Variants in ABCB5 observed in about 807,000 individuals in gnomAD.
The protein encoded by ABCB5 is ATP binding cassette subfamily B member 5, also known as ATP-binding cassette sub-family B member 5.
In ABCB5, 155 loss-of-function variants were observed where a neutral mutation model predicts 144.2. That is an observed-to-expected ratio of 1.08 (90% CI 0.94 to 1.23). The LOEUF (loss-of-function observed/expected upper bound fraction) is 1.23, where lower values mean the gene tolerates loss of function less well. Ranked by LOEUF, ABCB5 falls within the 50% of genes most tolerant of loss-of-function variation. The pLI is 0.00. For missense variants in ABCB5, 1,830 were observed against 1,520.8 expected, an observed-to-expected ratio of 1.20 and a Z score of -3.38; for synonymous variants, 610 against 528.6, an observed-to-expected ratio of 1.15 and a Z score of -2.11.
At chr7:20,621,499 C>T (rs79207698) in intron 1 of ABCB5, among the ~76,000 whole-genome samples, 8 of 151,970 alleles carry the variant, frequency 5.3e-5, no homozygotes, top group South Asian at 2.1e-4. Flanking sequence ...AGTAAGACTA[C>T]GGTCTAGAGT....
intron 20 of ABCB5, among the ~76,000 whole-genome samples, chr7:20,706,420 A>T (rs1278536841): frequency 6.6e-6 from 1 of 152,230 alleles, no homozygotes; most frequent in Non-Finnish European, 1.5e-5. Flanking sequence ...TTCAACTGAA[A>T]AACCAAATTA....
intron 20 of ABCB5, 31 bp from the exon 21 acceptor site, chr7:20,722,985 G>GT (rs1562579523): frequency 1.2e-6 from 2 of 1,603,014 alleles, no homozygotes; most frequent in Middle Eastern, 1.7e-4. Flanking sequence ...AGTTAATTGA[G>GT]TTTTTTCCCC....
chr7:20,700,103 A>G lies in ABCB5; in HGVS notation c.2305A>G (p.Arg769Gly). ...AGGGGAAATTTTAACGATGAGATTAAGACACTTGGCCTTCAAAGCCATGTT... is the reference window on the plus strand; with the variant it reads ...AGGGGAAATTTTAACGATGAGATTAGGACACTTGGCCTTCAAAGCCATGTT... ...RAGEILTMRL[R>G]HLAFKAMLYQ... Residue 769 changes from arginine (R) to glycine (G), a missense_variant, in exon 19 of 28, where the codon AGA becomes GGA. Physicochemically the swap from Arg to Gly is moderately radical, Grantham distance 125. Coordinates refer to ENST00000404938, the MANE Select transcript of ABCB5 (RefSeq NM_001163941.2). 6.2e-7 allele frequency: 1 copy of G among 1,613,464 alleles called. No individual in the cohort carries two copies. Among genetic ancestry groups the G allele is most frequent in the African/African-American group, 1.3e-5 (1 of 75,054 alleles).
chr7:20,687,627 C>T (rs1025237266), intron 16 of ABCB5, among the ~76,000 whole-genome samples: 4 of 152,120 alleles, frequency 2.6e-5, no homozygotes, highest in African/African-American at 9.7e-5. Context: ...AACCAAGAAC[C>T]GAAATAAGCT....
chr7:20,623,951 G>A (rs755748522), intron 2 of ABCB5, among the ~76,000 whole-genome samples: 5 of 152,152 alleles, frequency 3.3e-5, no homozygotes, highest in Admixed American at 6.5e-5. Flanking sequence ...GCATTCCAGC[G>A]ATACCATTTT....
In ABCB5 at chr7:20,631,821, G is replaced by C. The variant is rs564090721; in HGVS notation, c.260-238G>C. ...CCCAAATAATTCTTTCCAGTTATGA[G>C]CTACATGGTTAATGCTTCCTTACAT... is the stretch of plus-strand genomic sequence containing the variant. On this transcript the variant is annotated intron_variant, in intron 4 of 27. Transcript: ENST00000404938. 3.9e-5 allele frequency among the ~76,000 whole-genome samples: 6 copies of C among 152,248 alleles called. No individual in the cohort carries two copies. The South Asian group carries it at 1.2e-3, about 32-fold the overall frequency.
chr7:20,661,889 T>C (rs1785016113), intron 14 of ABCB5, among the ~76,000 whole-genome samples: 1 of 152,174 alleles, frequency 6.6e-6, no homozygotes, highest in Non-Finnish European at 1.5e-5. Flanking sequence ...AAACTAGTTT[T>C]GTTTCACTAA....
intron 1 of ABCB5, among the ~76,000 whole-genome samples, chr7:20,616,930 C>T (rs762431056): frequency 7.9e-5 from 12 of 152,176 alleles, no homozygotes; most frequent in Non-Finnish European, 1.2e-4. Flanking sequence ...ATTCCTTCTG[C>T]CTGGGATAGT....
Position 20,723,233 on chromosome 7 carries a change from T to A in ABCB5, c.2625+14T>A, listed in dbSNP as rs764332144. 3.7e-6 allele frequency: 6 copies of A among 1,612,282 alleles called. No homozygotes were observed. The East Asian group carries it at 1.3e-4, about 36-fold the overall frequency. On this transcript the variant is annotated intron_variant, in intron 21 of 27. Coordinates refer to ENST00000404938, the MANE Select transcript of ABCB5 (RefSeq NM_001163941.2). Reference sequence around the variant, plus strand: ...CATGCTGGAAAGGTAAAATGAAGACTGTTATCACCATCGTAACATTTAAAG... The same window carrying A: ...CATGCTGGAAAGGTAAAATGAAGACAGTTATCACCATCGTAACATTTAAAG...
intron 16 of ABCB5, among the ~76,000 whole-genome samples, chr7:20,689,860 C>G (rs1349247362): frequency 6.6e-6 from 1 of 152,224 alleles, no homozygotes; most frequent in Admixed American, 6.5e-5. Context: ...AAGTCAATAA[C>G]CAGGACAGGG....
At chr7:20,693,722 T>G (rs1786310648) in intron 16 of ABCB5, among the ~76,000 whole-genome samples, 1 of 151,408 alleles carries the variant, frequency 6.6e-6, no homozygotes, top group Non-Finnish European at 1.5e-5. Context: ...ATCAATCAAA[T>G]ACAAAGCTGG....
intron 19 of ABCB5, among the ~76,000 whole-genome samples, chr7:20,703,178 C>A (rs906223312): frequency 6.6e-6 from 1 of 152,110 alleles, no homozygotes; most frequent in Non-Finnish European, 1.5e-5. Context: ...ATGATCTGTG[C>A]ATTCCATGTC....
intron 14 of ABCB5, among the ~76,000 whole-genome samples, chr7:20,665,886 TG>T (rs1785174705): frequency 2.0e-5 from 3 of 147,606 alleles, no homozygotes; most frequent in African/African-American, 7.5e-5. Flanking sequence ...AAAAAAATGT[TG>T]GGCCGGGCCT....
At chr7:20,676,672 T>A (rs760127020) in intron 14 of ABCB5, among the ~76,000 whole-genome samples, 23 of 152,214 alleles carry the variant, frequency 1.5e-4, no homozygotes, top group Non-Finnish European at 2.5e-4. Flanking sequence ...ACATTAACAC[T>A]ACAACATTGT....
Position 20,709,291 on chromosome 7 carries a change from T to C in ABCB5, c.2421+4484T>C, listed in dbSNP as rs1437114087. On this transcript the variant is annotated intron_variant, in intron 20 of 27. Coordinates refer to ENST00000404938, the MANE Select transcript of ABCB5 (RefSeq NM_001163941.2). Reference sequence around the variant, plus strand: ...AATTTACTTTGGTTTCATTCTCATTTTCATATTTTAGTTTTGCGAAGAAAT... The same window carrying C: ...AATTTACTTTGGTTTCATTCTCATTCTCATATTTTAGTTTTGCGAAGAAAT... Among the ~76,000 whole-genome samples, 2 of 150,020 alleles carry C rather than the reference T, an allele frequency of 1.3e-5. 1 individual carries two copies. Among genetic ancestry groups the C allele is most frequent in the African/African-American group, 4.9e-5 (2 of 40,576 alleles).
intron 23 of ABCB5, among the ~76,000 whole-genome samples, chr7:20,729,695 A>C (rs114945282): frequency 0.015 from 2,340 of 152,348 alleles, 71 homozygotes; most frequent in African/African-American, 0.053. Context: ...GAACTGGAGA[A>C]ATCCATACAA....
chr7:20,629,128 A>AAG (rs145593793), intron 4 of ABCB5, among the ~76,000 whole-genome samples: 16,520 of 127,112 alleles, frequency 0.13, 1,197 homozygotes, highest in Non-Finnish European at 0.18. Flanking sequence ...GTTAGAAACA[A>AAG]AGAGAGAGAG....
At chr7:20,650,733 G>T (rs1404977271) in intron 12 of ABCB5, among the ~76,000 whole-genome samples, 1 of 152,030 alleles carries the variant, frequency 6.6e-6, no homozygotes, top group Admixed American at 6.5e-5. Flanking sequence ...CTAGAGCCTG[G>T]CTTTATTTAA....
chr7:20,694,596 C>T (rs921068612), intron 16 of ABCB5, among the ~76,000 whole-genome samples: 1 of 151,866 alleles, frequency 6.6e-6, no homozygotes, highest in Non-Finnish European at 1.5e-5. Flanking sequence ...CTGGCCTGTT[C>T]AATAAGGCAA....
Sources: allele counts gnomAD v4.1 joint callset (sites outside exome capture counted in the v4.1 genomes callset), GRCh38; gene constraint gnomAD v4.1.1; transcripts MANE v1.5; gene names NCBI Gene and HGNC (gene_info 2026-07-23, HGNC 2026-07-21).